The following CPXM2 variants were observed in gnomAD, a reference collection of about 807,000 sequenced individuals.
CPXM2 encodes the protein carboxypeptidase X, M14 family member 2.
In CPXM2, 66 loss-of-function variants were observed where a neutral mutation model predicts 86.1. That is an observed-to-expected ratio of 0.77 (90% confidence interval 0.63 to 0.94). CPXM2 has a LOEUF of 0.94. Among genes scored for constraint, CPXM2 ranks in the 40% least tolerant of loss-of-function variants. The pLI is 0.00. For missense variants in CPXM2, 948 were observed against 1,026.3 expected, an observed-to-expected ratio of 0.92 and a Z score of 1.04; for synonymous variants, 388 against 400.2, an observed-to-expected ratio of 0.97 and a Z score of 0.36.
intron 2 of CPXM2, among the ~76,000 whole-genome samples, chr10:123,917,065 C>A (rs1945539735): frequency 6.6e-6 from 1 of 152,010 alleles, no homozygotes; most frequent in Non-Finnish European, 1.5e-5. Flanking sequence ...GAAGGCCGGA[C>A]CTAGTGTTTC....
intron 1 of CPXM2, among the ~76,000 whole-genome samples, chr10:123,886,152 G>C (rs2134242418): frequency 6.6e-6 from 1 of 152,246 alleles, no homozygotes; most frequent in South Asian, 2.1e-4. Flanking sequence ...AAAACACTTT[G>C]GATTTAACTC....
At chr10:123,826,103 C>T (rs1039014253) in intron 4 of CPXM2, among the ~76,000 whole-genome samples, 1 of 152,196 alleles carries the variant, frequency 6.6e-6, no homozygotes, top group African/African-American at 2.4e-5. Flanking sequence ...ATTTAATCAA[C>T]ACTATGAGGT....
chr10:123,757,601 C>T (rs1450124352), intron 11 of CPXM2, among the ~76,000 whole-genome samples: 2 of 152,072 alleles, frequency 1.3e-5, no homozygotes, highest in African/African-American at 4.8e-5. Flanking sequence ...GTGTCTTTGA[C>T]AAAAGAAGAA....
chr10:123,926,706 G>A (rs1312339904), intron 2 of CPXM2, among the ~76,000 whole-genome samples: 1 of 152,104 alleles, frequency 6.6e-6, no homozygotes, highest in Non-Finnish European at 1.5e-5. Context: ...GAACATAAAC[G>A]TATGTCCAGA....
chr10:123,888,666 C>A (rs907563628), intron 1 of CPXM2, among the ~76,000 whole-genome samples: 3 of 152,236 alleles, frequency 2.0e-5, no homozygotes, highest in Non-Finnish European at 2.9e-5. Flanking sequence ...AACCAGTCTT[C>A]CCACTTTGGT....
At chr10:123,817,818 G>A (rs550939083) in intron 4 of CPXM2, among the ~76,000 whole-genome samples, 15 of 152,288 alleles carry the variant, frequency 9.8e-5, no homozygotes, top group East Asian at 1.9e-4. Flanking sequence ...GGCACCACCC[G>A]AAAGTAGACA....
chr10:123,751,029 C>T (rs535420156), intron 13 of CPXM2: 1 of 985,412 alleles, frequency 1.0e-6, no homozygotes, highest in South Asian at 4.7e-5. Context: ...TAGGGAGCTG[C>T]AGTGGAAGTC....
intron 2 of CPXM2, among the ~76,000 whole-genome samples, chr10:123,936,738 T>C (rs962090582): frequency 6.6e-6 from 1 of 152,140 alleles, no homozygotes; most frequent in Admixed American, 6.5e-5. Flanking sequence ...TCTCCCTTTG[T>C]CTCTCACTTT....
intron 6 of CPXM2, among the ~76,000 whole-genome samples, chr10:123,791,356 G>A (rs1453329301): frequency 6.6e-6 from 1 of 152,228 alleles, no homozygotes; most frequent in Non-Finnish European, 1.5e-5. Context: ...GGCGGGGGCT[G>A]CAGTGAGCCA....
In CPXM2 at chr10:123,749,906, A is replaced by G. The variant is rs112929495; in HGVS notation, c.2018-2889T>C. ...CTGCAATCTCTGCTTCCCAGGTTCA[A>G]GCAATTCTCCTGCCTTAGCCTCCCA... On this transcript the variant is annotated intron_variant, in intron 13 of 13. Coordinates refer to ENST00000241305, the MANE Select transcript of CPXM2 (RefSeq NM_198148.3). Among the ~76,000 whole-genome samples the G allele has an allele frequency of 5.1e-3, 781 of 151,866 alleles. 3 individuals are homozygous for G. Among genetic ancestry groups the G allele is most frequent in the African/African-American group, 0.018 (741 of 41,376 alleles).
intron 1 of CPXM2, among the ~76,000 whole-genome samples, chr10:123,882,168 C>T (rs887814825): frequency 6.6e-6 from 1 of 152,190 alleles, no homozygotes; most frequent in Non-Finnish European, 1.5e-5. Context: ...AAGGAAACCC[C>T]CCTTTTTGTT....
In CPXM2 at chr10:123,754,608, C is replaced by A. The variant is rs1163198934; in HGVS notation, c.2017+55G>T. 4 of 939,254 alleles carry A rather than the reference C, an allele frequency of 4.3e-6. No individual in the cohort carries two copies. Among genetic ancestry groups the A allele is most frequent in the Non-Finnish European group, 7.0e-6 (4 of 569,452 alleles). The allele number at this position is 939,254 out of a possible 1,614,324, so 58.2% of individuals were successfully genotyped here. On this transcript the variant is annotated intron_variant, in intron 13 of 13. Coordinates refer to ENST00000241305, the MANE Select transcript of CPXM2 (RefSeq NM_198148.3). The surrounding 1 kb of genome is among the most constrained non-coding windows in gnomAD (Gnocchi z 4.0). ...TCATGATTGTAACCCAAGTAAAATG[C>A]CTAAAAAAATGGGTATTTCTTACCA...
At position 123,767,035 on chromosome 10, in the gene CPXM2, G is replaced by A; in HGVS notation, c.1417C>T (p.Pro473Ser). Residue 473 changes from proline to serine, a missense_variant, in exon 10 of 14, where the codon CCC becomes TCC. Transcript: ENST00000241305. ...LWEAEDRQNVPRKVPNHYIAI... is the reference protein window; with the variant it reads ...LWEAEDRQNVSRKVPNHYIAI... ...ATATAGTGATTGGGAACTTTCCTGG[G>A]GACATTCTGTCGATCCTCTGCCTCC... is the stretch of plus-strand genomic sequence containing the variant. 6.2e-7 allele frequency: 1 copy of A among 1,614,090 alleles called. No homozygotes were observed. The highest frequency in any genetic ancestry group is 8.5e-7 in the Non-Finnish European group (1 of 1,179,992).
At chr10:123,755,980 AAC>A (rs1846196867) in intron 12 of CPXM2, among the ~76,000 whole-genome samples, 4 of 152,206 alleles carry the variant, frequency 2.6e-5, no homozygotes, top group Admixed American at 2.6e-4. Flanking sequence ...AAGAAGGAAA[AAC>A]AGACTCACAC....
Position 123,854,442 on chromosome 10 carries a change from T to TG in CPXM2, c.513+8171_513+8172insC, listed in dbSNP as rs1366874210. Among the ~76,000 whole-genome samples the TG allele has an allele frequency of 4.2e-3, 512 of 122,652 alleles. 4 individuals carry two copies. The highest frequency in any genetic ancestry group is 0.015 in the African/African-American group (482 of 33,230). The allele number at this position is 122,652 out of a possible 152,430, so 80.5% of individuals were successfully genotyped here. ...ATATATAATATATATATAATATACTTTTATATATAATATATATAATATATA... is the reference window on the plus strand; with the variant it reads ...ATATATAATATATATATAATATACTTGTTATATATAATATATATAATATATA... On this transcript the variant is annotated intron_variant, in intron 3 of 13. Coordinates refer to ENST00000241305, the MANE Select transcript of CPXM2 (RefSeq NM_198148.3).
chr10:123,871,008 C>T (rs1944887277), intron 2 of CPXM2, among the ~76,000 whole-genome samples: 1 of 152,200 alleles, frequency 6.6e-6, no homozygotes, highest in Non-Finnish European at 1.5e-5. Context: ...CAACAGAGGA[C>T]ACTCTCAAAG....
chr10:123,771,008 T>C lies in CPXM2; in HGVS notation c.1010A>G (p.Asn337Ser). 6.2e-7 allele frequency: 1 copy of C among 1,613,554 alleles called. No homozygotes were observed. Among genetic ancestry groups the C allele is most frequent in the South Asian group, 1.1e-5 (1 of 91,064 alleles). ...LMKVVNEMCP[N>S]ITRIYNIGKS... ...TCCAATGTTGTAAATTCTGGTGATA[T>C]TGGGACACATTTCATTCACAACTTT... The change falls in exon 8 of 14, where the codon AAT (asparagine) becomes AGT (serine). Residue 337 changes from asparagine (N) to serine (S), a missense_variant. Physicochemically the swap from Asn to Ser is conservative, Grantham distance 46 (BLOSUM62 1). Transcript: ENST00000241305.
chr10:123,761,683 G>C (rs1846341669), intron 11 of CPXM2, among the ~76,000 whole-genome samples, 189 bp downstream of exon 11: 1 of 152,200 alleles, frequency 6.6e-6, no homozygotes, highest in Non-Finnish European at 1.5e-5. Flanking sequence ...TGGAAAGTGA[G>C]ACTGGGGCAA....
chr10:123,856,115 CTA>C (rs949959964), intron 3 of CPXM2, among the ~76,000 whole-genome samples: 28 of 152,322 alleles, frequency 1.8e-4, no homozygotes, highest in African/African-American at 6.3e-4. Flanking sequence ...AAGCTCTGAT[CTA>C]AGCACCAACT....
Sources: allele counts gnomAD v4.1 joint callset (sites outside exome capture counted in the v4.1 genomes callset), GRCh38; gene constraint gnomAD v4.1.1; non-coding constraint Gnocchi (gnomAD v3.1); transcripts MANE v1.5; gene names NCBI Gene and HGNC (gene_info 2026-07-23, HGNC 2026-07-21).